The following CFDP1 variants were observed in gnomAD, a reference collection of about 807,000 sequenced individuals.
CFDP1 encodes chromatin remodeling protein CFDP1.
A neutral mutation model predicts 40.1 loss-of-function variants in CFDP1; 31 were observed. The observed-to-expected ratio is 0.77, with a 90% confidence interval of 0.58 to 1.04. The LOEUF (loss-of-function observed/expected upper bound fraction) is 1.04, where lower values mean the gene tolerates loss of function less well. Ranked by LOEUF, CFDP1 falls within the 50% of genes least tolerant of loss-of-function variation. The probability of loss-of-function intolerance (pLI) is 0.00; values close to 1 mark genes in which losing one functional copy is unlikely to be tolerated. For synonymous variants in CFDP1, 167 were observed against 120.0 expected (o/e 1.39, Z -2.56); for missense variants, 423 against 343.4 (o/e 1.23, Z -1.83).
intron 4 of CFDP1, among the ~76,000 whole-genome samples, chr16:75,400,362 A>G (rs1194303852): frequency 1.3e-5 from 2 of 152,172 alleles, no homozygotes; most frequent in African/African-American, 4.8e-5. Context: ...GTTTTCTCTG[A>G]TCTCCTAAGC....
chr16:75,406,086 T>C (rs1671149567), intron 4 of CFDP1, among the ~76,000 whole-genome samples: 1 of 150,796 alleles, frequency 6.6e-6, no homozygotes, highest in Non-Finnish European at 1.5e-5. Context: ...TACAAAAAAA[T>C]AAAATAGGCC....
intron 5 of CFDP1, among the ~76,000 whole-genome samples, chr16:75,338,619 G>A (rs374744454): frequency 1.3e-5 from 2 of 152,148 alleles, no homozygotes; most frequent in Non-Finnish European, 1.5e-5. Flanking sequence ...TTTCCAGAGG[G>A]TTACTGACCT....
chr16:75,404,589 GAGA>G (rs1444827612), intron 4 of CFDP1, among the ~76,000 whole-genome samples: 1 of 152,052 alleles, frequency 6.6e-6, no homozygotes, highest in Non-Finnish European at 1.5e-5. Flanking sequence ...CTTGATGGAT[GAGA>G]AGCACCATCA....
chr16:75,419,325 A>G (rs1252159227), intron 1 of CFDP1: 1 of 153,500 alleles, frequency 6.5e-6, no homozygotes. Flanking sequence ...ATTACTACCT[A>G]TTTTGAAAAT....
chr16:75,387,079 G>C (rs551387047), intron 5 of CFDP1, among the ~76,000 whole-genome samples: 2 of 151,806 alleles, frequency 1.3e-5, no homozygotes, highest in East Asian at 3.9e-4. Context: ...AATGAAGCAC[G>C]GTATTAGCAT....
chr16:75,410,175 A>G lies in CFDP1; in HGVS notation c.530+1650T>C, dbSNP rs554738698. Among the ~76,000 whole-genome samples, 3 of 152,142 alleles carry G rather than the reference A, an allele frequency of 2.0e-5. No homozygotes were observed. The South Asian group carries it at 6.2e-4, about 32-fold the overall frequency. ...ATTGTTGAAAACATTATTTTTAAGA[A>G]TAACAATTTTAGGGAAAATTGTATT... On this transcript the variant is annotated intron_variant, in intron 4 of 6. Coordinates refer to ENST00000283882, the MANE Select transcript of CFDP1 (RefSeq NM_006324.3).
intron 1 of CFDP1, among the ~76,000 whole-genome samples, chr16:75,418,473 A>G (rs1463230682): frequency 1.3e-5 from 2 of 151,612 alleles, no homozygotes; most frequent in Non-Finnish European, 2.9e-5. Context: ...ATGCCTGGCT[A>G]ATTTTTTTTG....
chr16:75,298,753 G>A (rs1234404520), intron 6 of CFDP1, among the ~76,000 whole-genome samples: 1 of 152,186 alleles, frequency 6.6e-6, no homozygotes, highest in African/African-American at 2.4e-5. Context: ...TAGACTGGAA[G>A]GGCAGTTTCT....
chr16:75,371,272 G>T (rs1293318562), intron 5 of CFDP1, among the ~76,000 whole-genome samples: 3 of 152,114 alleles, frequency 2.0e-5, no homozygotes, highest in Non-Finnish European at 4.4e-5. Flanking sequence ...TCTAGACACT[G>T]CCAAAAGTCC....
chr16:75,387,368 C>T (rs2078907457), intron 5 of CFDP1, among the ~76,000 whole-genome samples: 1 of 152,166 alleles, frequency 6.6e-6, no homozygotes, highest in South Asian at 2.1e-4. Flanking sequence ...GTCTCGATCT[C>T]CTGACCTCGT....
intron 1 of CFDP1, among the ~76,000 whole-genome samples, chr16:75,422,463 G>A (rs541788129): frequency 9.0e-5 from 13 of 144,022 alleles, no homozygotes; most frequent in Non-Finnish European, 1.5e-4. Flanking sequence ...GCAGTGGCAT[G>A]ATCTTGGCTC....
chr16:75,393,459 C>A (rs962482018), intron 5 of CFDP1, among the ~76,000 whole-genome samples: 2 of 152,120 alleles, frequency 1.3e-5, no homozygotes, highest in Non-Finnish European at 2.9e-5. Flanking sequence ...AAAGCTCACA[C>A]TTTTTTAGGA....
chr16:75,427,292 C>G (rs2079352788), intron 1 of CFDP1, among the ~76,000 whole-genome samples: 1 of 151,748 alleles, frequency 6.6e-6, no homozygotes. Context: ...GCTCTCTTGC[C>G]CAGGCTGGAG....
At chr16:75,360,460 C>A (rs1048448053) in intron 5 of CFDP1, among the ~76,000 whole-genome samples, 1 of 152,126 alleles carries the variant, frequency 6.6e-6, no homozygotes, top group African/African-American at 2.4e-5. Flanking sequence ...CGAAACAAAA[C>A]TAATTTTGTA....
At chr16:75,421,666 T>C (rs1028741529) in intron 1 of CFDP1, among the ~76,000 whole-genome samples, 1 of 152,076 alleles carries the variant, frequency 6.6e-6, no homozygotes, top group African/African-American at 2.4e-5. Context: ...GAATAAAAAA[T>C]CACCCTGGAA....
intron 5 of CFDP1, among the ~76,000 whole-genome samples, chr16:75,326,296 T>A (rs1019039098): frequency 8.5e-5 from 13 of 152,200 alleles, no homozygotes; most frequent in African/African-American, 3.1e-4. Flanking sequence ...CACTACTACG[T>A]TATGAGCCAG....
At chr16:75,385,128 T>A (rs2078885095) in intron 5 of CFDP1, among the ~76,000 whole-genome samples, 1 of 152,018 alleles carries the variant, frequency 6.6e-6, no homozygotes, top group Admixed American at 6.6e-5. Flanking sequence ...CATGAATACT[T>A]GGAATATTTT....
At chr16:75,395,046 T>A in intron 5 of CFDP1, 44 bp downstream of exon 5, 1 of 1,610,242 alleles carries the variant, frequency 6.2e-7, no homozygotes, top group Non-Finnish European at 8.5e-7. Flanking sequence ...TGAAAGCTTC[T>A]CCAACGTGCC....
intron 5 of CFDP1, among the ~76,000 whole-genome samples, chr16:75,314,577 A>G (rs2078313243): frequency 3.9e-5 from 6 of 152,160 alleles, no homozygotes; most frequent in Admixed American, 3.9e-4. Context: ...GTGATGCACA[A>G]TTCTGCAAAT....
Sources: allele counts gnomAD v4.1 joint callset (sites outside exome capture counted in the v4.1 genomes callset), GRCh38; gene constraint gnomAD v4.1.1; transcripts MANE v1.5; gene names NCBI Gene and HGNC (gene_info 2026-07-23, HGNC 2026-07-21).